Variants in GCNT1 observed in about 807,000 individuals in gnomAD.
GCNT1 encodes glucosaminyl (N-acetyl) transferase 1, also known as beta-1,3-galactosyl-O-glycosyl-glycoprotein beta-1,6-N-acetylglucosaminyltransferase.
GCNT1 carries 16 observed loss-of-function variants against 26.2 expected under a neutral mutation model. The ratio of observed to expected loss-of-function variants is 0.61; its 90% CI spans 0.41 to 0.93. The LOEUF is 0.93. Ranked by LOEUF, GCNT1 falls within the 40% of genes least tolerant of loss-of-function variation. GCNT1 has a pLI of 0.00. For missense variants in GCNT1, 477 were observed against 526.7 expected, an observed-to-expected ratio of 0.91 and a Z score of 0.92; for synonymous variants, 183 against 190.8, an observed-to-expected ratio of 0.96 and a Z score of 0.34.
At chr9:76,433,238 G>T (rs1208095380) in intron 1 of GCNT1, among the ~76,000 whole-genome samples, 1 of 152,170 alleles carries the variant, frequency 6.6e-6, no homozygotes. Flanking sequence ...CCCCCTCTTC[G>T]GAGCTCAGCA....
rs79645784 is a variant in GCNT1, at chr9:76,503,681, A to G, written c.*13A>G. 3.4e-4 allele frequency: 542 copies of G among 1,595,684 alleles called. 2 individuals are homozygous for G. In the African/African-American group the frequency reaches 5.8e-3, roughly 17 times the overall value. The stretch of plus-strand genomic sequence containing the variant: ...ATTAAAACACTGACCATTACGGGCA[A>G]TTTTATGAACAAGAAGAAGGATACA... On this transcript the variant is annotated 3_prime_UTR_variant, in exon 4 of 4. Transcript: ENST00000376730.
At chr9:76,481,120 C>G (rs1410006604) in intron 2 of GCNT1, among the ~76,000 whole-genome samples, 1 of 152,018 alleles carries the variant, frequency 6.6e-6, no homozygotes, top group Non-Finnish European at 1.5e-5. Flanking sequence ...TGCCTGTAAT[C>G]CCAGCTACTC....
the GCNT1 span, among the ~76,000 whole-genome samples, chr9:76,411,127 G>A: frequency 1.3e-5 from 2 of 151,986 alleles, no homozygotes; most frequent in African/African-American, 4.8e-5. Flanking sequence ...GTTGAGTCTT[G>A]TTTTTTAATC....
chr9:76,412,487 G>A, the GCNT1 span, among the ~76,000 whole-genome samples: 2 of 152,136 alleles, frequency 1.3e-5, no homozygotes, highest in East Asian at 3.9e-4. Flanking sequence ...GTTGGTCTCA[G>A]AAAGTCTTTA....
At chr9:76,428,274 AAAAAAAAAAAAAAAACTT>A (rs1485353986) in intron 1 of GCNT1, among the ~76,000 whole-genome samples, 2 of 140,742 alleles carry the variant, frequency 1.4e-5, no homozygotes, top group African/African-American at 2.8e-5. Context: ...TCAAAAAAAA[AAAAAAAAAAAAAAAACTT>A]AAAAAAAAAA....
intron 2 of GCNT1, among the ~76,000 whole-genome samples, chr9:76,462,386 C>T (rs1823891815): frequency 6.6e-6 from 1 of 152,168 alleles, no homozygotes; most frequent in African/African-American, 2.4e-5. Context: ...AGGCAAATGC[C>T]ATATATGTTT....
At chr9:76,420,257 G>C (rs1823171255) in intron 1 of GCNT1, 1 of 152,088 alleles carries the variant, frequency 6.6e-6, no homozygotes, top group Non-Finnish European at 1.5e-5. Context: ...AGTGTTTTTT[G>C]TTTGTTTTTA....
upstream of GCNT1, among the ~76,000 whole-genome samples, chr9:76,439,598 G>A (rs796274166): frequency 6.6e-6 from 1 of 152,138 alleles, no homozygotes; most frequent in African/African-American, 2.4e-5. Flanking sequence ...TAGAGATGGA[G>A]GTAAATCAGT....
intron 2 of GCNT1, among the ~76,000 whole-genome samples, chr9:76,476,990 T>C (rs1824266923): frequency 6.6e-6 from 1 of 152,018 alleles, no homozygotes; most frequent in Non-Finnish European, 1.5e-5. Flanking sequence ...TGGCTCACGT[T>C]TGAAACCTCT....
Position 76,505,239 on chromosome 9 carries a change from T to C in GCNT1, c.*1571T>C, listed in dbSNP as rs940931038. 2 of 300,262 alleles carry C rather than the reference T, an allele frequency of 6.7e-6. No individual in the cohort carries two copies. Among genetic ancestry groups the C allele is most frequent in the African/African-American group, 4.3e-5 (2 of 46,192 alleles). The allele number at this position is 300,262 out of a possible 1,614,324, so 18.6% of individuals were successfully genotyped here. A position where few individuals can be genotyped will look rare whatever the true frequency, so the allele number is the denominator to read the frequency against. On this transcript the variant is annotated 3_prime_UTR_variant, in exon 4 of 4. Transcript: ENST00000376730. ...TTAAGGCATTCAACTGAGAAAACTTTATTTGTCAAAGTCAGAAAACATTTT... is the reference window on the plus strand; with the variant it reads ...TTAAGGCATTCAACTGAGAAAACTTCATTTGTCAAAGTCAGAAAACATTTT...
chr9:76,399,618 G>C, the GCNT1 span: 3 of 1,021,200 alleles, frequency 2.9e-6, no homozygotes, highest in South Asian at 2.7e-5. Flanking sequence ...AAGCAACATG[G>C]AAAAATGGTT....
At chr9:76,494,052 C>T (rs1181287132) in intron 2 of GCNT1, among the ~76,000 whole-genome samples, 5 of 151,984 alleles carry the variant, frequency 3.3e-5, no homozygotes, top group Admixed American at 1.3e-4. Context: ...AAAAACCACC[C>T]GCGGTTTTGG....
intron 2 of GCNT1, among the ~76,000 whole-genome samples, chr9:76,480,335 C>G (rs62565116): frequency 2.6e-5 from 4 of 151,580 alleles, no homozygotes; most frequent in African/African-American, 7.3e-5. Flanking sequence ...CTTGGCAATG[C>G]GGGCTCTTTT....
At chr9:76,421,213 T>C (rs1311008327) in intron 1 of GCNT1, among the ~76,000 whole-genome samples, 2 of 152,194 alleles carry the variant, frequency 1.3e-5, no homozygotes, top group Non-Finnish European at 2.9e-5. Context: ...CAAAATGTTT[T>C]ATTAAACAAG....
At chr9:76,465,278 C>T (rs1245733769) in intron 2 of GCNT1, among the ~76,000 whole-genome samples, 1 of 151,890 alleles carries the variant, frequency 6.6e-6, no homozygotes, top group African/African-American at 2.4e-5. Context: ...TGTGCGTCAC[C>T]ACACCCAGAT....
chr9:76,491,123 G>C (rs1824724088), intron 2 of GCNT1, among the ~76,000 whole-genome samples: 1 of 151,516 alleles, frequency 6.6e-6, no homozygotes, highest in Non-Finnish European at 1.5e-5. Flanking sequence ...CTTCTTCTTT[G>C]TCTCTCTCTT....
At position 76,507,161 on chromosome 9, in the gene GCNT1, GA is replaced by G. The variant is rs1444295274; in HGVS notation, c.*3498del. The G allele has an allele frequency of 6.0e-6, 1 of 166,986 alleles. No individual in the cohort carries two copies. Among genetic ancestry groups the G allele is most frequent in the African/African-American group, 2.4e-5 (1 of 41,456 alleles). The allele number at this position is 166,986 out of a possible 1,614,324, so 10.3% of individuals were successfully genotyped here. The stretch of plus-strand genomic sequence containing the variant: ...ATTTACTGAATACTGTTGTGAAAGT[GA>G]AAAACAATGATTGTATGGGTACTCA... On this transcript the variant is annotated 3_prime_UTR_variant, in exon 4 of 4. Transcript: ENST00000376730.
At chr9:76,485,790 G>C (rs886327172) in intron 2 of GCNT1, among the ~76,000 whole-genome samples, 2 of 151,508 alleles carry the variant, frequency 1.3e-5, no homozygotes, top group Non-Finnish European at 2.9e-5. Context: ...CTGAAGTGCA[G>C]TGGCTCAGTC....
Position 76,503,241 on chromosome 9 carries a change from C to T in GCNT1, c.860C>T (p.Ala287Val). Residue 287 changes from alanine (A) to valine (V), a missense_variant, in exon 4 of 4, where the codon GCC becomes GTC. Physicochemically the swap from Ala to Val is moderately conservative, Grantham distance 64. Coordinates refer to ENST00000376730, the MANE Select transcript of GCNT1 (RefSeq NM_001490.5). ...GAAACACCTCTCTTTTCTGGCAGTG[C>T]CTACTTCGTGGTCAGTAGGGAGTAT... ...PLETPLFSGS[A>V]YFVVSREYVG... 1 of 1,614,138 alleles carries T rather than the reference C, an allele frequency of 6.2e-7. No homozygotes were observed. The highest frequency in any genetic ancestry group is 8.5e-7 in the Non-Finnish European group (1 of 1,180,018).
Sources: gnomAD v4.1 joint callset for allele counts (sites outside exome capture counted in the v4.1 genomes callset) on GRCh38, gnomAD v4.1.1 for gene constraint, MANE v1.5 for transcripts, NCBI Gene and HGNC (gene_info 2026-07-23, HGNC 2026-07-21) for gene names.